The following AFF3 variants were observed in gnomAD, a reference collection of about 807,000 sequenced individuals.
AFF3 encodes the protein ALF transcription elongation factor 3.
A neutral mutation model predicts 129.7 loss-of-function variants in AFF3; 32 were observed. The ratio of observed to expected loss-of-function variants is 0.25; its 90% confidence interval spans 0.19 to 0.33. The LOEUF is 0.33. AFF3 is among the 10% of genes least tolerant of loss of function. The pLI is 1.00. For synonymous variants in AFF3, 644 were observed against 635.4 expected, an observed-to-expected ratio of 1.01 and a Z score of -0.20; for missense variants, 1,373 against 1,592.0, an observed-to-expected ratio of 0.86 and a Z score of 2.34.
At chr2:99,712,709 G>A (rs1678008145) in intron 11 of AFF3, among the ~76,000 whole-genome samples, 1 of 151,986 alleles carries the variant, frequency 6.6e-6, no homozygotes, top group Non-Finnish European at 1.5e-5. Flanking sequence ...GACTGTGTAG[G>A]TTATAGTCAT....
intron 10 of AFF3, among the ~76,000 whole-genome samples, chr2:99,736,412 A>G (rs1291320371): frequency 1.3e-5 from 2 of 152,154 alleles, no homozygotes; most frequent in Non-Finnish European, 2.9e-5. Flanking sequence ...TATCAGAATA[A>G]ACATATCATG....
intron 14 of AFF3, among the ~76,000 whole-genome samples, chr2:99,594,583 T>C (rs1575458260): frequency 6.6e-6 from 1 of 152,266 alleles, no homozygotes; most frequent in East Asian, 1.9e-4. Context: ...TCCTAGTACT[T>C]TTGAGTGTTA....
chr2:99,792,333 C>T (rs1685253317), intron 8 of AFF3, among the ~76,000 whole-genome samples: 1 of 152,022 alleles, frequency 6.6e-6, no homozygotes, highest in African/African-American at 2.4e-5. Context: ...GCTGGGCGCA[C>T]TAGCAGTGCA....
chr2:99,733,377 C>CT (rs1679992418), intron 10 of AFF3, among the ~76,000 whole-genome samples: 7 of 58,152 alleles, frequency 1.2e-4, no homozygotes, highest in Non-Finnish European at 2.5e-4. Flanking sequence ...GAGACTCCGT[C>CT]CAAAAAAAAA....
chr2:99,753,944 G>GTCAAGT (rs1681879792), intron 8 of AFF3, among the ~76,000 whole-genome samples: 1 of 152,324 alleles, frequency 6.6e-6, no homozygotes, highest in Middle Eastern at 3.4e-3. Context: ...AAGCAGGACT[G>GTCAAGT]TCAAGTTTGC....
At chr2:99,551,904 C>T (rs1424808323) in intron 24 of AFF3, among the ~76,000 whole-genome samples, 1 of 152,182 alleles carries the variant, frequency 6.6e-6, no homozygotes, top group Non-Finnish European at 1.5e-5. Flanking sequence ...CTTCCCACTC[C>T]TGAACGTGAA....
chr2:99,817,646 C>T (rs1469811898), intron 8 of AFF3, among the ~76,000 whole-genome samples: 2 of 152,154 alleles, frequency 1.3e-5, no homozygotes, highest in East Asian at 1.9e-4. Context: ...CTAAGCCTCC[C>T]GAGTAGCTGG....
At chr2:99,709,507 T>C (rs1156511770) in intron 11 of AFF3, among the ~76,000 whole-genome samples, 5 of 152,188 alleles carry the variant, frequency 3.3e-5, no homozygotes, top group African/African-American at 9.7e-5. Flanking sequence ...GTCTCCACTT[T>C]GATAACTGGG....
At chr2:99,553,643 G>C (rs1161169064) in intron 24 of AFF3, among the ~76,000 whole-genome samples, 1 of 151,976 alleles carries the variant, frequency 6.6e-6, no homozygotes, top group Non-Finnish European at 1.5e-5. Flanking sequence ...GCCGGGTGTG[G>C]TGGCTCACGC....
intron 13 of AFF3, among the ~76,000 whole-genome samples, chr2:99,615,552 TG>T (rs1372153144): frequency 6.6e-6 from 1 of 152,236 alleles, no homozygotes; most frequent in Non-Finnish European, 1.5e-5. Context: ...CCATGTGGCC[TG>T]GGCCCAGCCA....
rs1400641636 is a variant in AFF3, at chr2:100,099,761, C to T, written c.53+4641G>A. Among the ~76,000 whole-genome samples, 3 of 152,256 alleles carry T rather than the reference C, an allele frequency of 2.0e-5. No individual in the cohort carries two copies. The East Asian group carries it at 5.8e-4, about 29-fold the overall frequency. On this transcript the variant is annotated intron_variant, in intron 4 of 24. Coordinates refer to ENST00000672756, the MANE Select transcript of AFF3 (RefSeq NM_001386135.1). ...ATCCTGTACAGCAGGGTTTCCTAAACTGCAGGTTTCAGCCTATGAATGGGA... is the reference window on the plus strand; with the variant it reads ...ATCCTGTACAGCAGGGTTTCCTAAATTGCAGGTTTCAGCCTATGAATGGGA...
chr2:100,075,357 T>C (rs781339382), intron 4 of AFF3, among the ~76,000 whole-genome samples: 1 of 152,128 alleles, frequency 6.6e-6, no homozygotes, highest in Non-Finnish European at 1.5e-5. Flanking sequence ...GGGGCAATCA[T>C]TTTGCCCCCT....
chr2:99,820,364 G>T lies in AFF3; in HGVS notation c.921+17113C>A, dbSNP rs780858098. Reference sequence around the variant, plus strand: ...CTGAACATACCGAAACATAGAAAAGGTGCAGTAAAAATACAGCATAAAAGG... The same window carrying T: ...CTGAACATACCGAAACATAGAAAAGTTGCAGTAAAAATACAGCATAAAAGG... On this transcript the variant is annotated intron_variant, in intron 8 of 24. Coordinates refer to ENST00000672756, the MANE Select transcript of AFF3 (RefSeq NM_001386135.1). Among the ~76,000 whole-genome samples the T allele has an allele frequency of 3.3e-5, 5 of 152,068 alleles. No individual in the cohort carries two copies. The East Asian group carries it at 7.7e-4, about 23-fold the overall frequency.
chr2:99,608,116 T>C (rs907427773), intron 13 of AFF3, among the ~76,000 whole-genome samples: 1 of 152,230 alleles, frequency 6.6e-6, no homozygotes, highest in African/African-American at 2.4e-5. Flanking sequence ...TTCACCTCAA[T>C]GGGTCTATCC....
intron 4 of AFF3, among the ~76,000 whole-genome samples, chr2:100,028,647 AT>A (rs1196783459): frequency 6.6e-6 from 1 of 152,178 alleles, no homozygotes; most frequent in Non-Finnish European, 1.5e-5. Context: ...CACAGAAGAA[AT>A]AAAATTTTAT....
chr2:99,558,817 A>C, intron 22 of AFF3, 58 bp downstream of exon 22: 1 of 1,558,108 alleles, frequency 6.4e-7, no homozygotes, highest in Non-Finnish European at 8.8e-7. Flanking sequence ...TGCTTCACAA[A>C]TTTGACAGGG....
intron 7 of AFF3, among the ~76,000 whole-genome samples, chr2:99,892,628 C>T (rs539518882): frequency 2.0e-5 from 3 of 152,314 alleles, no homozygotes; most frequent in Non-Finnish European, 4.4e-5. Flanking sequence ...AACCTGCTCT[C>T]AAATTCCAGC....
chr2:100,094,501 T>C (rs2105433927), intron 4 of AFF3, among the ~76,000 whole-genome samples: 1 of 152,182 alleles, frequency 6.6e-6, no homozygotes, highest in East Asian at 1.9e-4. Flanking sequence ...GCAGTAATGT[T>C]AGCAATGGGG....
intron 7 of AFF3, among the ~76,000 whole-genome samples, chr2:99,961,265 C>T (rs1171237779): frequency 4.6e-5 from 7 of 152,182 alleles, no homozygotes; most frequent in Admixed American, 1.3e-4. Context: ...CTTTCTGTTC[C>T]GTTCTACCAG....
Sources: allele counts gnomAD v4.1 joint callset (sites outside exome capture counted in the v4.1 genomes callset), GRCh38; gene constraint gnomAD v4.1.1; transcripts MANE v1.5; gene names NCBI Gene and HGNC (gene_info 2026-07-23, HGNC 2026-07-21).